DRC8: variants seen among roughly 807,000 people sequenced by gnomAD.
DRC8 encodes dynein regulatory complex protein 8.
the DRC8 span, among the ~76,000 whole-genome samples, chr1:245,117,002 A>C: frequency 6.6e-6 from 1 of 152,224 alleles, no homozygotes; most frequent in African/African-American, 2.4e-5. Context: ...GAAGCTCCCA[A>C]AGATATCCAA....
the DRC8 span, among the ~76,000 whole-genome samples, chr1:245,013,503 T>C: frequency 3.9e-5 from 6 of 152,160 alleles, no homozygotes; most frequent in African/African-American, 1.4e-4. Flanking sequence ...AAGGCAAATA[T>C]ACAAAGGTGA....
the DRC8 span, among the ~76,000 whole-genome samples, chr1:245,005,422 C>T: frequency 6.7e-6 from 1 of 150,052 alleles, no homozygotes; most frequent in Non-Finnish European, 1.5e-5. Context: ...GTGATCTCGG[C>T]TCACTGTAAC....
the DRC8 span, among the ~76,000 whole-genome samples, chr1:245,090,576 G>A: frequency 6.6e-6 from 1 of 152,154 alleles, no homozygotes; most frequent in Non-Finnish European, 1.5e-5. Context: ...TGACAATCAA[G>A]AAGTTACACA....
the DRC8 span, among the ~76,000 whole-genome samples, chr1:245,074,954 A>T: frequency 1.3e-5 from 2 of 152,222 alleles, no homozygotes; most frequent in East Asian, 3.8e-4. Context: ...GTTTTTAAAC[A>T]TTCACATGTG....
the DRC8 span, among the ~76,000 whole-genome samples, chr1:244,979,242 C>T: frequency 5.6e-5 from 8 of 143,366 alleles, no homozygotes; most frequent in African/African-American, 2.1e-4. Flanking sequence ...TCAGTATTTG[C>T]TGAATGTTGA....
chr1:245,097,667 A>G, the DRC8 span, among the ~76,000 whole-genome samples: 1 of 152,178 alleles, frequency 6.6e-6, no homozygotes, highest in Non-Finnish European at 1.5e-5. The surrounding 1 kb of genome is among the most constrained non-coding windows in gnomAD (Gnocchi z 5.0). Context: ...CGGGATTAAC[A>G]CTATGAAGAA....
chr1:245,070,876 G>A, the DRC8 span, among the ~76,000 whole-genome samples: 1 of 152,204 alleles, frequency 6.6e-6, no homozygotes. Flanking sequence ...AACGGGATTA[G>A]CAATGTTATA....
At chr1:245,049,018 C>G in the DRC8 span, among the ~76,000 whole-genome samples, 1 of 149,068 alleles carries the variant, frequency 6.7e-6, no homozygotes, top group Non-Finnish European at 1.5e-5. This position sits in a 1 kb window ranked among gnomAD's most constrained non-coding sequence, Gnocchi z 4.5. Context: ...CAGAGTCCCA[C>G]TCCATCACCC....
chr1:245,043,202 C>T, the DRC8 span, among the ~76,000 whole-genome samples: 2 of 152,078 alleles, frequency 1.3e-5, no homozygotes, highest in Non-Finnish European at 2.9e-5. Context: ...GAGACCTAGG[C>T]GGGCGGATCA....
chr1:245,012,018 A>G, the DRC8 span, among the ~76,000 whole-genome samples: 2 of 152,288 alleles, frequency 1.3e-5, 1 homozygote, highest in Middle Eastern at 6.8e-3. Flanking sequence ...GTTCAAGAGA[A>G]GCACCTTGAG....
At chr1:245,076,671 T>C in the DRC8 span, among the ~76,000 whole-genome samples, 1 of 152,124 alleles carries the variant, frequency 6.6e-6, no homozygotes, top group African/African-American at 2.4e-5. Context: ...CTGGAGAAAA[T>C]AGGTCCCAAT....
the DRC8 span, among the ~76,000 whole-genome samples, chr1:245,017,751 C>A: frequency 3.9e-5 from 6 of 151,966 alleles, no homozygotes; most frequent in East Asian, 1.9e-4. Context: ...GACACACTCC[C>A]CCTGTAAAAT....
At chr1:245,025,527 G>T in the DRC8 span, among the ~76,000 whole-genome samples, 1 of 152,104 alleles carries the variant, frequency 6.6e-6, no homozygotes, top group Admixed American at 6.5e-5. Flanking sequence ...TGATACTCAA[G>T]AATTTGGTGA....
At chr1:245,025,515 G>A in the DRC8 span, among the ~76,000 whole-genome samples, 2 of 152,042 alleles carry the variant, frequency 1.3e-5, no homozygotes, top group African/African-American at 4.8e-5. Flanking sequence ...TTCAGAACAG[G>A]TTGATACTCA....
the DRC8 span, chr1:245,124,414 G>C: frequency 7.9e-5 from 12 of 152,152 alleles, no homozygotes; most frequent in African/African-American, 2.7e-4. Context: ...TCCAGCCCCA[G>C]GACAGGCATT....
chr1:245,101,302 A>T, the DRC8 span, among the ~76,000 whole-genome samples: 3 of 152,300 alleles, frequency 2.0e-5, no homozygotes, highest in South Asian at 6.2e-4. Flanking sequence ...AATTTCCCAC[A>T]TCCTGGTTTT....
the DRC8 span, among the ~76,000 whole-genome samples, chr1:245,080,698 G>A: frequency 2.6e-5 from 4 of 152,094 alleles, no homozygotes; most frequent in Admixed American, 2.0e-4. Flanking sequence ...CTCCATGGCC[G>A]CCACTCCAAT....
chr1:245,025,081 T>C, the DRC8 span, among the ~76,000 whole-genome samples: 1 of 152,130 alleles, frequency 6.6e-6, no homozygotes, highest in Non-Finnish European at 1.5e-5. Context: ...TACACACCTT[T>C]GGAGTATGGA....
chr1:245,020,475 A>G, the DRC8 span, among the ~76,000 whole-genome samples: 1 of 152,146 alleles, frequency 6.6e-6, no homozygotes, highest in Non-Finnish European at 1.5e-5. Flanking sequence ...TTCATAGTAT[A>G]AGTAATTAGT....
Sources: gnomAD v4.1 joint callset for allele counts (sites outside exome capture counted in the v4.1 genomes callset) on GRCh38, gnomAD v4.1.1 for gene constraint, Gnocchi (gnomAD v3.1) non-coding constraint, MANE v1.5 for transcripts, NCBI Gene and HGNC (gene_info 2026-07-23, HGNC 2026-07-21) for gene names.